RAI1: variants seen among roughly 807,000 people sequenced by gnomAD.
RAI1 encodes the protein retinoic acid induced 1, also known as retinoic acid-induced protein 1.
RAI1 carries 9 observed loss-of-function variants against 123.8 expected under a neutral mutation model. That is an observed-to-expected ratio of 0.07 (90% CI 0.04 to 0.13). The LOEUF (loss-of-function observed/expected upper bound fraction) is 0.13, where lower values mean the gene tolerates loss of function less well. Ranked by LOEUF, RAI1 falls within the 10% of genes least tolerant of loss-of-function variation. RAI1 has a pLI of 1.00. For missense variants in RAI1, 2,256 were observed against 2,545.8 expected, an observed-to-expected ratio of 0.89 and a Z score of 2.45; for synonymous variants, 1,231 against 1,127.3, an observed-to-expected ratio of 1.09 and a Z score of -1.84.
chr17:17,688,443 C>A (rs1358467313), intron 1 of RAI1, among the ~76,000 whole-genome samples: 1 of 151,896 alleles, frequency 6.6e-6, no homozygotes, highest in Non-Finnish European at 1.5e-5. Flanking sequence ...CAAGATCGTG[C>A]CTCTGCACTC....
At chr17:17,682,975 G>A (rs903760826) in intron 1 of RAI1, among the ~76,000 whole-genome samples, 1 of 152,030 alleles carries the variant, frequency 6.6e-6, no homozygotes, top group African/African-American at 2.4e-5. Context: ...TCCGCGCGCC[G>A]CACACTCTCC....
intron 1 of RAI1, among the ~76,000 whole-genome samples, chr17:17,687,272 G>A (rs947002887): frequency 6.6e-6 from 1 of 152,176 alleles, no homozygotes; most frequent in Non-Finnish European, 1.5e-5. Flanking sequence ...GGGAAGCCAT[G>A]TGTTAGGCAC....
At chr17:17,726,887 C>T (rs1246323290) in intron 2 of RAI1, among the ~76,000 whole-genome samples, 1 of 152,126 alleles carries the variant, frequency 6.6e-6, no homozygotes, top group African/African-American at 2.4e-5. Flanking sequence ...ATCCTGCTTG[C>T]TTTGCCGGCA....
Position 17,806,666 on chromosome 17 carries a change from G to C in RAI1, c.5660-2724G>C, listed in dbSNP as rs115896537. 8.6e-3 allele frequency among the ~76,000 whole-genome samples: 1,311 copies of C among 152,384 alleles called. 21 individuals carry two copies. The highest frequency in any genetic ancestry group is 0.029 in the African/African-American group (1,222 of 41,588). On this transcript the variant is annotated intron_variant, in intron 4 of 5. Transcript: ENST00000353383. Reference sequence around the variant, plus strand: ...AGCAGGATGATCTAGGGTGGCCCCAGCTGTGCCAGCTTGTCTTTGCTCCAT... The same window carrying C: ...AGCAGGATGATCTAGGGTGGCCCCACCTGTGCCAGCTTGTCTTTGCTCCAT...
intron 2 of RAI1, among the ~76,000 whole-genome samples, chr17:17,753,425 A>G (rs2142986846): frequency 6.6e-6 from 1 of 152,372 alleles, no homozygotes; most frequent in South Asian, 2.1e-4. Context: ...CACAAAACAA[A>G]AGGGAGCTAA....
chr17:17,799,395 A>G lies in RAI1; in HGVS notation c.5565+882A>G, dbSNP rs1052650315. ...TTCTTCGTGGTGTCACCACTTCCCC[A>G]GTACCATAGAGTACCTCTGTGCCCT... On this transcript the variant is annotated intron_variant, in intron 3 of 5. Coordinates refer to ENST00000353383, the MANE Select transcript of RAI1 (RefSeq NM_030665.4). This position sits in a 1 kb window ranked among gnomAD's most constrained non-coding sequence, Gnocchi z 4.5. Among the ~76,000 whole-genome samples, 1 of 152,038 alleles carries G rather than the reference A, an allele frequency of 6.6e-6. No homozygotes were observed. The highest frequency in any genetic ancestry group is 6.6e-5 in the Admixed American group (1 of 15,264).
At chr17:17,804,061 C>A (rs1473213513) in intron 4 of RAI1, 8 of 671,942 alleles carry the variant, frequency 1.2e-5, no homozygotes, top group South Asian at 9.6e-5. Flanking sequence ...CAGGCACCTG[C>A]TTGAGGAGTG....
At position 17,795,698 on chromosome 17, in the gene RAI1, C is replaced by T. The variant is rs773799612; in HGVS notation, c.2750C>T (p.Pro917Leu). 8 of 1,613,292 alleles carry T rather than the reference C, an allele frequency of 5.0e-6. No individual in the cohort carries two copies. The highest frequency in any genetic ancestry group is 1.6e-4 in the Middle Eastern group (1 of 6,062). Residue 917 changes from proline (P) to leucine (L), a missense_variant, in exon 3 of 6, where the codon CCG (proline) becomes CTG (leucine). Transcript: ENST00000353383. This position sits in a 1 kb window ranked among gnomAD's most constrained non-coding sequence, Gnocchi z 5.9. ...VLDSKAGWGS[P>L]CHLSGESVIL... ...GACTCCAAGGCCGGCTGGGGCTCTCCGTGCCACCTCTCAGGGGAGTCCGTC... is the reference window on the plus strand; with the variant it reads ...GACTCCAAGGCCGGCTGGGGCTCTCTGTGCCACCTCTCAGGGGAGTCCGTC...
At chr17:17,768,660 G>A (rs551020842) in intron 2 of RAI1, among the ~76,000 whole-genome samples, 3 of 152,364 alleles carry the variant, frequency 2.0e-5, no homozygotes, top group African/African-American at 7.2e-5. Context: ...AGGATGGGCA[G>A]GGTAGCCTGC....
In RAI1 at chr17:17,685,438, A is replaced by G. The variant is rs1567818338; in HGVS notation, c.-149+3645A>G. Among the ~76,000 whole-genome samples, 1 of 152,240 alleles carries G rather than the reference A, an allele frequency of 6.6e-6. No individual in the cohort carries two copies. The highest frequency in any genetic ancestry group is 6.5e-5 in the Admixed American group (1 of 15,284). On this transcript the variant is annotated intron_variant, in intron 1 of 5. Coordinates refer to ENST00000353383, the MANE Select transcript of RAI1 (RefSeq NM_030665.4). This position sits in a 1 kb window ranked among gnomAD's most constrained non-coding sequence, Gnocchi z 4.0. ...CTTCCTGGAGGAGGGGCCTTTGAGCAGGTGCTTCAGGCACGGCGAGGTAAG... is the reference window on the plus strand; with the variant it reads ...CTTCCTGGAGGAGGGGCCTTTGAGCGGGTGCTTCAGGCACGGCGAGGTAAG...
intron 2 of RAI1, among the ~76,000 whole-genome samples, chr17:17,732,412 G>A (rs1440080024): frequency 6.6e-6 from 1 of 152,128 alleles, no homozygotes; most frequent in African/African-American, 2.4e-5. Context: ...GGGAGAGGGG[G>A]ATGGGATCAG....
At chr17:17,783,258 G>T (rs1001682969) in intron 2 of RAI1, among the ~76,000 whole-genome samples, 12 of 152,104 alleles carry the variant, frequency 7.9e-5, no homozygotes, top group Non-Finnish European at 1.3e-4. Flanking sequence ...GGGACGGGGG[G>T]GCGCCCTTCG....
intron 2 of RAI1, among the ~76,000 whole-genome samples, chr17:17,782,544 C>T (rs1358153692): frequency 6.7e-6 from 1 of 150,036 alleles, no homozygotes. Context: ...CCCCCGCCCG[C>T]AGCCTTGCGC....
At chr17:17,743,518 G>A (rs887949152) in intron 2 of RAI1, among the ~76,000 whole-genome samples, 6 of 152,222 alleles carry the variant, frequency 3.9e-5, no homozygotes, top group African/African-American at 1.2e-4. Context: ...GCCCCTGCCC[G>A]CAGCAGCCCA....
At position 17,706,000 on chromosome 17, in the gene RAI1, G is replaced by A. The variant is rs950627249; in HGVS notation, c.-148-18028G>A. On this transcript the variant is annotated intron_variant, in intron 1 of 5. Transcript: ENST00000353383. ...GATCGCACCACTGCACTCCAGCCTG[G>A]CAACAGAGCGAGACTCTGTCTCAAA... Among the ~76,000 whole-genome samples the A allele has an allele frequency of 2.2e-5, 3 of 134,388 alleles. No individual in the cohort carries two copies. In the Admixed American group the frequency reaches 2.5e-4, roughly 11 times the overall value. 88.2% of individuals were successfully genotyped at this position (134,388 alleles called of 152,430 possible).
In RAI1 at chr17:17,793,454, A is replaced by G; in HGVS notation, c.506A>G (p.His169Arg). Residue 169 changes from histidine (H) to arginine (R), a missense_variant, in exon 3 of 6, where the codon CAC becomes CGC. Around this residue, in one of 7 missense-constraint regions of RAI1, gnomAD observed 336 missense variants for 349.8 expected, o/e 0.96. Coordinates refer to ENST00000353383, the MANE Select transcript of RAI1 (RefSeq NM_030665.4). Reference protein sequence around the residue: ...EQGAQVPFRTHSLHVQQPPPP... With the variant: ...EQGAQVPFRTRSLHVQQPPPP... Reference sequence around the variant, plus strand: ...GGCGCCCAGGTGCCCTTTCGGACTCACTCCCTGCACGTCCAGCAGCCACCG... The same window carrying G: ...GGCGCCCAGGTGCCCTTTCGGACTCGCTCCCTGCACGTCCAGCAGCCACCG... The G allele has an allele frequency of 6.2e-7, 1 of 1,613,098 alleles. No homozygotes were observed. Among genetic ancestry groups the G allele is most frequent in the Middle Eastern group, 1.6e-4 (1 of 6,062 alleles).
intron 2 of RAI1, among the ~76,000 whole-genome samples, chr17:17,780,534 GAC>G (rs1380936891): frequency 2.0e-5 from 3 of 152,214 alleles, no homozygotes; most frequent in African/African-American, 7.2e-5. Context: ...AGGACAGGGG[GAC>G]CAGGGAGGGC....
chr17:17,683,735 AG>A (rs575534750), intron 1 of RAI1: 270 of 152,366 alleles, frequency 1.8e-3, no homozygotes, highest in Non-Finnish European at 2.8e-3. Flanking sequence ...CCAACTGTGG[AG>A]TGGGCAAAAT....
At chr17:17,715,492 G>A (rs1456581319) in intron 1 of RAI1, among the ~76,000 whole-genome samples, 1 of 152,228 alleles carries the variant, frequency 6.6e-6, no homozygotes, top group East Asian at 1.9e-4. Flanking sequence ...CCCTCCCATG[G>A]TGCAGCCACC....
Sources: gnomAD v4.1 joint callset for allele counts (sites outside exome capture counted in the v4.1 genomes callset) on GRCh38, gnomAD v4.1.1 for gene constraint, gnomAD v4.1.1 regional missense constraint, Gnocchi (gnomAD v3.1) non-coding constraint, MANE v1.5 for transcripts, NCBI Gene and HGNC (gene_info 2026-07-23, HGNC 2026-07-21) for gene names.